The following AMMECR1 variants were observed in gnomAD, a reference collection of about 807,000 sequenced individuals.
AMMECR1 encodes the protein nuclear protein AMMECR1.
Under a neutral mutation model 22.5 loss-of-function variants are expected in AMMECR1, and 3 were observed. That is an observed-to-expected ratio of 0.13 (90% CI 0.06 to 0.35). The LOEUF (loss-of-function observed/expected upper bound fraction) is 0.35, where lower values mean the gene tolerates loss of function less well. Among genes scored for constraint, AMMECR1 ranks in the 10% least tolerant of loss-of-function variants. AMMECR1 has a pLI of 1.00. For missense variants in AMMECR1, 235 were observed against 278.7 expected (o/e 0.84, Z 1.12); for synonymous variants, 130 against 116.7 (o/e 1.11, Z -0.74).
chrX:110,206,908 T>C (rs1408579096), intron 3 of AMMECR1, among the ~76,000 whole-genome samples: 1 of 112,038 alleles, frequency 8.9e-6, no homozygotes, highest in East Asian at 2.8e-4. Flanking sequence ...GGTCAAAGAA[T>C]CGAAAGTTGT....
rs753187407 is a variant in AMMECR1, at chrX:110,216,560, C to T, written c.657G>A (p.Leu219=). The T allele has an allele frequency of 8.3e-7, 1 of 1,209,259 alleles. No individual in the cohort carries two copies. The highest frequency in any genetic ancestry group is 2.2e-5 in the Admixed American group (1 of 45,889). Residue 219 remains leucine, a synonymous_variant, in exon 3 of 6, where the codon CTG becomes CTA. Coordinates refer to ENST00000262844, the MANE Select transcript of AMMECR1 (RefSeq NM_015365.3). The part of the protein sequence containing the change: ...ELPRLFCSVS[L]LTNFEDVCDY... ...CACAGACATCTTCAAAGTTAGTGAG[C>T]AGAGACACTGAGCAGAAAAGCCGTG...
At position 110,281,800 on chromosome X, in the gene AMMECR1, G is replaced by A. The variant is rs183213350; in HGVS notation, c.474-17201C>T. Among the ~76,000 whole-genome samples, 400 of 112,015 alleles carry A rather than the reference G, an allele frequency of 3.6e-3. 1 individual carries two copies. The highest frequency in any genetic ancestry group is 6.5e-3 in the Admixed American group (69 of 10,604). Reference sequence around the variant, plus strand: ...AATTTAGTAATCTCATGGCTTGGGCGAAAATTTAAAAGTGCTTTATTTTTC... The same window carrying A: ...AATTTAGTAATCTCATGGCTTGGGCAAAAATTTAAAAGTGCTTTATTTTTC... On this transcript the variant is annotated intron_variant, in intron 1 of 5. Transcript: ENST00000262844.
chrX:110,440,016 A>T (rs2068868416), exon 1 of AMMECR1: 1 of 110,855 alleles, frequency 9.0e-6, no homozygotes, highest in Admixed American at 9.6e-5. Context: ...TGTCCCCCGA[A>T]AGCCCCCTGC....
chrX:110,435,504 C>T (rs1286140276), intron 1 of AMMECR1, among the ~76,000 whole-genome samples: 1 of 111,985 alleles, frequency 8.9e-6, no homozygotes, highest in Non-Finnish European at 1.9e-5. Flanking sequence ...CCTAGCAGGT[C>T]CCAGAACAAA....
intron 2 of AMMECR1, among the ~76,000 whole-genome samples, chrX:110,380,876 G>A (rs1354422168): frequency 8.9e-6 from 1 of 112,394 alleles, no homozygotes; most frequent in Non-Finnish European, 1.9e-5. Flanking sequence ...ATGGTGCTGG[G>A]ATAACTGGCA....
At chrX:110,204,039 A>G (rs2067409863) in intron 3 of AMMECR1, among the ~76,000 whole-genome samples, 2 of 111,924 alleles carry the variant, frequency 1.8e-5, no homozygotes, top group Admixed American at 1.9e-4. Context: ...GTGGGAAATA[A>G]CTACGTATAT....
chrX:110,364,392 C>T lies in AMMECR1; in HGVS notation c.-147-46543G>A, dbSNP rs756238824. Among the ~76,000 whole-genome samples the T allele has an allele frequency of 1.3e-4, 15 of 111,441 alleles. No individual in the cohort carries two copies. The South Asian group carries it at 5.7e-3, about 42-fold the overall frequency. ...TTTGGGGGCGGTGACACAATTCAACCCACTATGTATAGCCTAGCTGGGACC... is the reference window on the plus strand; with the variant it reads ...TTTGGGGGCGGTGACACAATTCAACTCACTATGTATAGCCTAGCTGGGACC... On this transcript the variant is annotated intron_variant, in intron 2 of 7. Coordinates refer to the AMMECR1 transcript ENST00000372057.
chrX:110,427,218 C>T (rs781415831), intron 1 of AMMECR1, among the ~76,000 whole-genome samples: 4 of 111,794 alleles, frequency 3.6e-5, no homozygotes, highest in Non-Finnish European at 5.6e-5. Flanking sequence ...CCTCTGTGAC[C>T]ATTCTCCCCA....
At chrX:110,315,538 G>T (rs4399086) in intron 1 of AMMECR1, among the ~76,000 whole-genome samples, 2 of 112,242 alleles carry the variant, frequency 1.8e-5, no homozygotes, top group Non-Finnish European at 3.8e-5. Flanking sequence ...ATCTAAATAC[G>T]TGTGCAAAGT....
intron 1 of AMMECR1, among the ~76,000 whole-genome samples, chrX:110,275,276 T>G (rs1221156434): frequency 8.9e-6 from 1 of 111,752 alleles, no homozygotes; most frequent in Non-Finnish European, 1.9e-5. Context: ...ATAATTCTTT[T>G]CATTTTTGTC....
intron 2 of AMMECR1, among the ~76,000 whole-genome samples, chrX:110,331,981 C>T (rs934639265): frequency 9.0e-6 from 1 of 111,619 alleles, no homozygotes; most frequent in African/African-American, 3.3e-5. Flanking sequence ...AACTTCAATT[C>T]ATCCTTTAAG....
intron 2 of AMMECR1, chrX:110,219,616 T>TA (rs915470202): frequency 8.0e-5 from 59 of 735,542 alleles, no homozygotes; most frequent in East Asian, 3.1e-4. Context: ...ATTCTAGGCT[T>TA]AAAAAAAAAG....
chrX:110,323,891 T>G (rs1013409076), intron 2 of AMMECR1, among the ~76,000 whole-genome samples: 1 of 112,313 alleles, frequency 8.9e-6, no homozygotes, highest in African/African-American at 3.2e-5. Context: ...ATCTTCAGAG[T>G]CAAAGTTGGG....
intron 2 of AMMECR1, among the ~76,000 whole-genome samples, chrX:110,350,221 G>C (rs1050298284): frequency 5.4e-5 from 6 of 112,034 alleles, no homozygotes; most frequent in Non-Finnish European, 1.1e-4. Context: ...CATACCAGAA[G>C]AGAGAAAATA....
Position 110,194,436 on chromosome X carries a change from A to G in AMMECR1, c.*4084T>C, listed in dbSNP as rs2067360938. ...GCCTAGTTATACTGGAAGGGGTTTCAGGTAATCTGTGATGTCTTACGGTAA... is the reference window on the plus strand; with the variant it reads ...GCCTAGTTATACTGGAAGGGGTTTCGGGTAATCTGTGATGTCTTACGGTAA... On this transcript the variant is annotated 3_prime_UTR_variant, in exon 6 of 6. Coordinates refer to ENST00000262844, the MANE Select transcript of AMMECR1 (RefSeq NM_015365.3). 3 of 111,944 alleles carry G rather than the reference A, an allele frequency of 2.7e-5. No individual in the cohort carries two copies. The highest frequency in any genetic ancestry group is 9.5e-5 in the Admixed American group (1 of 10,551). 9.2% of individuals were successfully genotyped at this position (111,944 alleles called of 1,213,427 possible). A position where few individuals can be genotyped will look rare whatever the true frequency, so the allele number is the denominator to read the frequency against.
chrX:110,434,593 G>A (rs2068822502), intron 1 of AMMECR1, among the ~76,000 whole-genome samples: 1 of 111,731 alleles, frequency 9.0e-6, no homozygotes, highest in Non-Finnish European at 1.9e-5. Flanking sequence ...GCTTGGGTCC[G>A]TGGTGATACT....
At chrX:110,388,113 C>T (rs576691814) in intron 2 of AMMECR1, among the ~76,000 whole-genome samples, 5 of 111,087 alleles carry the variant, frequency 4.5e-5, no homozygotes, top group Admixed American at 9.5e-5. Context: ...ATGATCTGCC[C>T]GCCTCAGCCT....
intron 2 of AMMECR1, among the ~76,000 whole-genome samples, chrX:110,352,508 C>T (rs769784968): frequency 8.9e-6 from 1 of 111,932 alleles, no homozygotes; most frequent in Admixed American, 9.4e-5. Context: ...TCTATATTGG[C>T]AGGAAGTCAT....
At chrX:110,291,342 G>A (rs2067907423) in intron 1 of AMMECR1, among the ~76,000 whole-genome samples, 1 of 110,608 alleles carries the variant, frequency 9.0e-6, no homozygotes, top group Non-Finnish European at 1.9e-5. Context: ...GGCCAACATG[G>A]TGAAACCCCA....
Sources: allele counts gnomAD v4.1 joint callset (sites outside exome capture counted in the v4.1 genomes callset), GRCh38; gene constraint gnomAD v4.1.1; transcripts MANE v1.5; gene names NCBI Gene and HGNC (gene_info 2026-07-23, HGNC 2026-07-21).